Variants in CACNB2 observed in about 807,000 individuals in gnomAD.
The protein encoded by CACNB2 is voltage-dependent L-type calcium channel subunit beta-2.
In CACNB2, 42 loss-of-function variants were observed where a neutral mutation model predicts 73.3. The observed-to-expected ratio is 0.57, with a 90% CI of 0.45 to 0.74. The LOEUF (loss-of-function observed/expected upper bound fraction) is 0.74. Among genes scored for constraint, CACNB2 ranks in the 30% least tolerant of loss-of-function variants. CACNB2 has a pLI of 0.00. For synonymous variants in CACNB2, 348 were observed against 310.3 expected (o/e 1.12, Z -1.28); for missense variants, 940 against 853.0 (o/e 1.10, Z -1.27).
chr10:18,324,064 T>C (rs1286869661), intron 2 of CACNB2, among the ~76,000 whole-genome samples: 1 of 152,164 alleles, frequency 6.6e-6, no homozygotes, highest in Admixed American at 6.5e-5. Flanking sequence ...GTGTAATGGC[T>C]AGGAAGGCAA....
intron 2 of CACNB2, among the ~76,000 whole-genome samples, chr10:18,395,751 A>G (rs183001772): frequency 8.5e-5 from 13 of 152,326 alleles, no homozygotes; most frequent in African/African-American, 3.1e-4. Flanking sequence ...ATGTATTGCT[A>G]TCACCTCTGT....
At chr10:18,539,125 C>A (rs1200582650) in intron 13 of CACNB2, 105 bp from the exon 14 acceptor site, 4 of 1,456,958 alleles carry the variant, frequency 2.7e-6, no homozygotes, top group African/African-American at 1.4e-5. Flanking sequence ...TTCATTTCAG[C>A]TTTTCGGATG....
chr10:18,386,374 C>G (rs2043230959), intron 2 of CACNB2, among the ~76,000 whole-genome samples: 1 of 147,502 alleles, frequency 6.8e-6, no homozygotes, highest in South Asian at 2.2e-4. Context: ...ATATGAGCAA[C>G]TTTACTGTTG....
intron 2 of CACNB2, among the ~76,000 whole-genome samples, chr10:18,158,237 T>G (rs1588574224): frequency 6.6e-6 from 1 of 152,230 alleles, no homozygotes; most frequent in South Asian, 2.1e-4. Context: ...TAGGCATATT[T>G]ATGGCACCTA....
At chr10:18,358,277 G>T (rs758850929) in intron 2 of CACNB2, among the ~76,000 whole-genome samples, 1 of 152,090 alleles carries the variant, frequency 6.6e-6, no homozygotes, top group Non-Finnish European at 1.5e-5. Flanking sequence ...TAGTAGAGAT[G>T]GGTTTTCACC....
At chr10:18,458,148 A>G (rs115925965) in intron 3 of CACNB2, among the ~76,000 whole-genome samples, 1 of 152,230 alleles carries the variant, frequency 6.6e-6, no homozygotes, top group African/African-American at 2.4e-5. Context: ...AGTATTTTAG[A>G]CTATGCAAAC....
chr10:18,153,643 G>A (rs1331050186), intron 2 of CACNB2, among the ~76,000 whole-genome samples: 2 of 150,026 alleles, frequency 1.3e-5, no homozygotes, highest in East Asian at 2.0e-4. Context: ...GTGCAGTGGC[G>A]CGATCTCGGC....
chr10:18,466,511 C>A (rs901090074), intron 3 of CACNB2, among the ~76,000 whole-genome samples: 1 of 152,072 alleles, frequency 6.6e-6, no homozygotes, highest in Non-Finnish European at 1.5e-5. Context: ...ACCTGTATTT[C>A]TCATCAGCTT....
In CACNB2 at chr10:18,229,856, G is replaced by A. The variant is rs535670329; in HGVS notation, c.213+78881G>A. Among the ~76,000 whole-genome samples the A allele has an allele frequency of 2.6e-5, 4 of 152,134 alleles. No individual in the cohort carries two copies. In the South Asian group the frequency reaches 6.2e-4, roughly 24 times the overall value. On this transcript the variant is annotated intron_variant, in intron 2 of 13. Coordinates refer to ENST00000324631, the MANE Select transcript of CACNB2 (RefSeq NM_201596.3). Reference sequence around the variant, plus strand: ...ATAGATTCAAATTAAGATGTACTACGGTAAAATTACATATGGCATTACTCC... The same window carrying A: ...ATAGATTCAAATTAAGATGTACTACAGTAAAATTACATATGGCATTACTCC...
At chr10:18,378,280 T>A (rs1463852634) in intron 2 of CACNB2, among the ~76,000 whole-genome samples, 3 of 152,246 alleles carry the variant, frequency 2.0e-5, no homozygotes, top group Admixed American at 6.5e-5. Flanking sequence ...ATTTTCATTC[T>A]GAATGAGTGT....
intron 2 of CACNB2, among the ~76,000 whole-genome samples, chr10:18,314,135 C>T (rs2040064816): frequency 6.6e-6 from 1 of 152,138 alleles, no homozygotes; most frequent in African/African-American, 2.4e-5. Context: ...GATTTTATCA[C>T]TTGGAAACTC....
chr10:18,266,327 C>T (rs1262569745), intron 2 of CACNB2, among the ~76,000 whole-genome samples: 1 of 152,084 alleles, frequency 6.6e-6, no homozygotes. Context: ...ACTCTTATTC[C>T]ATGTATAGTG....
intron 2 of CACNB2, among the ~76,000 whole-genome samples, chr10:18,151,947 G>T (rs1362803734): frequency 6.6e-6 from 1 of 152,084 alleles, no homozygotes; most frequent in African/African-American, 2.4e-5. Flanking sequence ...TTCCACCCCT[G>T]CCCCCTGTTT....
intron 2 of CACNB2, among the ~76,000 whole-genome samples, chr10:18,335,081 C>T (rs990375555): frequency 6.6e-6 from 1 of 151,474 alleles, no homozygotes; most frequent in Non-Finnish European, 1.5e-5. Flanking sequence ...ACATTCGTTA[C>T]CTAAGTTACA....
At chr10:18,364,047 A>G (rs895817462) in intron 2 of CACNB2, among the ~76,000 whole-genome samples, 2 of 151,406 alleles carry the variant, frequency 1.3e-5, no homozygotes, top group African/African-American at 2.4e-5. Flanking sequence ...TCCCGGGTTC[A>G]AGTGATTCTC....
In CACNB2 at chr10:18,401,088, T is replaced by C. The variant is rs200266419; in HGVS notation, c.214-836T>C. 7.3e-5 allele frequency: 118 copies of C among 1,614,154 alleles called. No homozygotes were observed. The Admixed American group carries it at 1.1e-3, about 15-fold the overall frequency. On this transcript the variant is annotated intron_variant, in intron 2 of 13. Coordinates refer to ENST00000324631, the MANE Select transcript of CACNB2 (RefSeq NM_201596.3). ...GAGCCAAGGGAGGAAGGCTGAAGAA[T>C]TCTGATATCTGTGTAAGCGCAAGGG...
intron 2 of CACNB2, among the ~76,000 whole-genome samples, chr10:18,169,173 A>G (rs747761359): frequency 6.7e-6 from 1 of 149,134 alleles, no homozygotes; most frequent in African/African-American, 2.5e-5. Context: ...CTTCTTTTTT[A>G]TTATATTTTT....
chr10:18,356,390 T>C (rs2041909368), intron 2 of CACNB2, among the ~76,000 whole-genome samples: 1 of 152,200 alleles, frequency 6.6e-6, no homozygotes. Flanking sequence ...CCAACTTCTT[T>C]CCACCTTTCT....
chr10:18,250,923 G>T (rs2131552395), intron 2 of CACNB2, among the ~76,000 whole-genome samples: 1 of 152,362 alleles, frequency 6.6e-6, no homozygotes, highest in Middle Eastern at 3.4e-3. Context: ...GGTGTTGGGA[G>T]GAAAAGCCGT....
Sources: allele counts gnomAD v4.1 joint callset (sites outside exome capture counted in the v4.1 genomes callset), GRCh38; gene constraint gnomAD v4.1.1; transcripts MANE v1.5; gene names NCBI Gene and HGNC (gene_info 2026-07-23, HGNC 2026-07-21).